The following GPC6 variants were observed in gnomAD, a reference collection of about 807,000 sequenced individuals.
GPC6 encodes glypican-6.
GPC6 carries 14 observed loss-of-function variants against 55.2 expected under a neutral mutation model. The observed-to-expected ratio is 0.25, with a 90% CI of 0.17 to 0.40. GPC6 has a LOEUF of 0.40. Ranked by LOEUF, GPC6 falls within the 10% of genes least tolerant of loss-of-function variation. GPC6 has a pLI of 1.00. For missense variants in GPC6, 641 were observed against 708.5 expected, an observed-to-expected ratio of 0.90 and a Z score of 1.08; for synonymous variants, 278 against 259.6, an observed-to-expected ratio of 1.07 and a Z score of -0.68.
chr13:93,834,922 A>T (rs1887676520), intron 3 of GPC6, among the ~76,000 whole-genome samples: 1 of 152,178 alleles, frequency 6.6e-6, no homozygotes, highest in African/African-American at 2.4e-5. Flanking sequence ...CTGTCCCTTT[A>T]TTAAAATACC....
intron 3 of GPC6, among the ~76,000 whole-genome samples, chr13:93,957,219 C>T (rs1213027243): frequency 6.6e-6 from 1 of 152,076 alleles, no homozygotes; most frequent in Non-Finnish European, 1.5e-5. Flanking sequence ...AAATAAACTA[C>T]TTTTATGCTG....
At chr13:93,971,988 G>A (rs76815476) in intron 3 of GPC6, among the ~76,000 whole-genome samples, 1,567 of 152,298 alleles carry the variant, frequency 0.01, 33 homozygotes, top group African/African-American at 0.036. Context: ...CTGGTTGCAT[G>A]ACCCTGATGT....
intron 1 of GPC6, among the ~76,000 whole-genome samples, chr13:93,278,132 C>G (rs1877819298): frequency 1.3e-5 from 2 of 152,066 alleles, no homozygotes; most frequent in Admixed American, 1.3e-4. Flanking sequence ...GCTTCAGGAT[C>G]TTATTATTTT....
chr13:94,132,573 T>C (rs575933382), intron 4 of GPC6, among the ~76,000 whole-genome samples: 1 of 152,262 alleles, frequency 6.6e-6, no homozygotes, highest in South Asian at 2.1e-4. Flanking sequence ...TTCAAAAATA[T>C]GGGCCAAATA....
chr13:94,201,012 G>C (rs1035813790), intron 4 of GPC6, among the ~76,000 whole-genome samples: 13 of 152,204 alleles, frequency 8.5e-5, no homozygotes, highest in Non-Finnish European at 1.9e-4. Flanking sequence ...ACCTAACAAA[G>C]TGATTAACAT....
chr13:93,695,719 T>A (rs944739813), intron 2 of GPC6, among the ~76,000 whole-genome samples: 55 of 152,138 alleles, frequency 3.6e-4, no homozygotes, highest in African/African-American at 1.3e-3. Flanking sequence ...TCATTCATTT[T>A]CCTTTGGTAA....
intron 2 of GPC6, among the ~76,000 whole-genome samples, chr13:93,591,468 G>GAAAA (rs60796601): frequency 8.0e-6 from 1 of 124,562 alleles, no homozygotes; most frequent in Non-Finnish European, 1.6e-5. Context: ...CGTCTCAAAG[G>GAAAA]AAAAAAAAAA....
At chr13:93,484,217 A>G (rs1342298373) in intron 1 of GPC6, among the ~76,000 whole-genome samples, 1 of 152,164 alleles carries the variant, frequency 6.6e-6, no homozygotes, top group Non-Finnish European at 1.5e-5. Flanking sequence ...TCTTTACATT[A>G]TCATCCTTGT....
At chr13:93,932,889 T>A (rs1437913040) in intron 3 of GPC6, among the ~76,000 whole-genome samples, 1 of 151,936 alleles carries the variant, frequency 6.6e-6, no homozygotes, top group Non-Finnish European at 1.5e-5. Flanking sequence ...GTATTTTCTT[T>A]GAGTTTAGGT....
intron 8 of GPC6, 124 bp from the exon 9 acceptor site, chr13:94,402,891 C>T (rs1881204507): frequency 2.5e-6 from 2 of 812,380 alleles, no homozygotes; most frequent in East Asian, 4.8e-5. Context: ...GAATTACCTC[C>T]ACATGGCCTC....
chr13:93,856,256 G>C (rs1888606261), intron 3 of GPC6, among the ~76,000 whole-genome samples: 1 of 151,558 alleles, frequency 6.6e-6, no homozygotes, highest in Non-Finnish European at 1.5e-5. Context: ...CTCAACAGCA[G>C]CTGAAAGTTG....
At chr13:94,116,578 T>C (rs952331590) in intron 4 of GPC6, among the ~76,000 whole-genome samples, 4 of 152,134 alleles carry the variant, frequency 2.6e-5, no homozygotes, top group Non-Finnish European at 5.9e-5. Context: ...CATATTATCC[T>C]GCCTCCTTAC....
At chr13:93,226,430 G>C (rs1875785560), upstream of GPC6, among the ~76,000 whole-genome samples, 1 of 152,136 alleles carries the variant, frequency 6.6e-6, no homozygotes, top group African/African-American at 2.4e-5. Context: ...ACAGAAATTA[G>C]GCAACTAGTT....
intron 1 of GPC6, among the ~76,000 whole-genome samples, chr13:93,517,365 C>T (rs1481865270): frequency 2.0e-5 from 3 of 152,028 alleles, no homozygotes; most frequent in Non-Finnish European, 2.9e-5. Flanking sequence ...ATAAGAAGTG[C>T]TACATTTTCA....
intron 4 of GPC6, among the ~76,000 whole-genome samples, chr13:94,126,390 T>TAA (rs1886814685): frequency 6.6e-6 from 1 of 152,024 alleles, no homozygotes; most frequent in Non-Finnish European, 1.5e-5. Context: ...CACAAAAATA[T>TAA]AAAAATAAAG....
intron 6 of GPC6, among the ~76,000 whole-genome samples, chr13:94,372,523 C>A (rs1402845444): frequency 6.6e-6 from 1 of 152,198 alleles, no homozygotes; most frequent in Non-Finnish European, 1.5e-5. Flanking sequence ...AAAAACGGCG[C>A]ACCACGAGAG....
intron 3 of GPC6, among the ~76,000 whole-genome samples, chr13:93,949,235 T>G (rs1023318781): frequency 9.9e-5 from 15 of 152,240 alleles, no homozygotes; most frequent in African/African-American, 3.1e-4. Flanking sequence ...AGAAATTTTC[T>G]TAGTGCCTAT....
intron 2 of GPC6, among the ~76,000 whole-genome samples, chr13:93,549,782 T>A (rs1350756679): frequency 2.0e-5 from 3 of 151,860 alleles, no homozygotes; most frequent in Admixed American, 6.6e-5. Context: ...AAAAAAAAAA[T>A]TACCCACCTA....
intron 4 of GPC6, among the ~76,000 whole-genome samples, chr13:94,096,531 GAC>G (rs1200298763): frequency 6.6e-6 from 1 of 152,018 alleles, no homozygotes; most frequent in Non-Finnish European, 1.5e-5. Flanking sequence ...TAACTCCTGA[GAC>G]ACAGCATTGT....
Sources: gnomAD v4.1 joint callset for allele counts (sites outside exome capture counted in the v4.1 genomes callset) on GRCh38, gnomAD v4.1.1 for gene constraint, MANE v1.5 for transcripts, NCBI Gene and HGNC (gene_info 2026-07-23, HGNC 2026-07-21) for gene names.